NRXN2: variants seen among roughly 807,000 people sequenced by gnomAD.
NRXN2 encodes the protein neurexin 2.
NRXN2 carries 29 observed loss-of-function variants against 128.8 expected under a neutral mutation model. The ratio of observed to expected loss-of-function variants is 0.23; its 90% confidence interval spans 0.17 to 0.31. The LOEUF is 0.31. NRXN2 is among the 10% of genes least tolerant of loss of function. The pLI is 1.00. For missense variants in NRXN2, 1,881 were observed against 2,452.6 expected, an observed-to-expected ratio of 0.77 and a Z score of 4.92; for synonymous variants, 1,098 against 1,075.2, an observed-to-expected ratio of 1.02 and a Z score of -0.41.
chr11:64,682,916 A>T (rs2052509747), intron 6 of NRXN2, among the ~76,000 whole-genome samples: 1 of 152,174 alleles, frequency 6.6e-6, no homozygotes, highest in African/African-American at 2.4e-5. Context: ...CCTAACTGCT[A>T]TGTTCTGAGA....
At position 64,713,540 on chromosome 11, in the gene NRXN2, T is replaced by TGAGCTCGCCG; in HGVS notation, c.150_159dup (p.Ser54ArgfsTer246). ...GTGGCGTTGGTGCGCAGGCTGAAGC[T>TGAGCTCGCCG]GAGCTCGCCGCTGCTCGCCGCGCCC... On this transcript the variant is annotated frameshift_variant, in exon 2 of 23. Transcript: ENST00000265459. LOFTEE classifies it high-confidence loss of function. The TGAGCTCGCCG allele has an allele frequency of 6.8e-7, 1 of 1,466,324 alleles. No homozygotes were observed. Among genetic ancestry groups the TGAGCTCGCCG allele is most frequent in the Non-Finnish European group, 9.0e-7 (1 of 1,111,952 alleles). 90.8% of individuals were successfully genotyped at this position (1,466,324 alleles called of 1,614,324 possible). A position where few individuals can be genotyped will look rare whatever the true frequency, so the allele number is the denominator to read the frequency against.
Position 64,667,306 on chromosome 11 carries a change from C to T in NRXN2, c.1742G>A (p.Arg581His), listed in dbSNP as rs753732547. 5 of 1,614,240 alleles carry T rather than the reference C, an allele frequency of 3.1e-6. No individual in the cohort carries two copies. Among genetic ancestry groups the T allele is most frequent in the East Asian group, 2.2e-5 (1 of 44,882 alleles). The change falls in exon 9 of 23, where the codon CGC (arginine) becomes CAC (histidine). Residue 581 changes from arginine (R) to histidine (H), a missense_variant. By Grantham distance (29) the Arg-to-His change is conservative. Coordinates refer to ENST00000265459, the MANE Select transcript of NRXN2 (RefSeq NM_015080.4). This position sits in a 1 kb window ranked among gnomAD's most constrained non-coding sequence, Gnocchi z 5.6. ...ACACCACTCGCCATCATTGACCTTG[C>T]GGCTGGATGCCCGCAGCTTGATGCC... ...SGGIKLRASS[R>H]KVNDGEWCHV...
rs759667703 is a variant in NRXN2 at position 64,651,400 on chromosome 11, G to A, written c.2773C>T (p.Arg925Cys). ...GTGGCGAGTGCCAGGTAGCTGCTGC[G>A]ACTCTTGAAGGTGACGGGATCGGCC... ...IVADPVTFKSRSSYLALATLQ... is the reference protein window; with the variant it reads ...IVADPVTFKSCSSYLALATLQ... Residue 925 changes from arginine to cysteine, a missense_variant, in exon 14 of 23, where the codon CGC becomes TGC. Transcript: ENST00000265459. The surrounding 1 kb of genome is among the most constrained non-coding windows in gnomAD (Gnocchi z 5.9). 10 of 1,614,188 alleles carry A rather than the reference G, an allele frequency of 6.2e-6. No individual in the cohort carries two copies. Among genetic ancestry groups the A allele is most frequent in the Non-Finnish European group, 6.8e-6 (8 of 1,180,024 alleles).
intron 9 of NRXN2, among the ~76,000 whole-genome samples, chr11:64,666,066 A>G (rs529905409): frequency 1.3e-5 from 2 of 152,164 alleles, no homozygotes; most frequent in South Asian, 4.1e-4. Flanking sequence ...TTTTCACTCC[A>G]TGGTCTCCCA....
At chr11:64,650,757 G>C in intron 14 of NRXN2, 119 bp from the exon 15 acceptor site, 3 of 972,280 alleles carry the variant, frequency 3.1e-6, no homozygotes, top group South Asian at 2.8e-5. Flanking sequence ...GATTGAAAGG[G>C]AGACCCCAGA....
chr11:64,626,606 G>T, intron 19 of NRXN2, 54 bp from the exon 20 acceptor site: 1 of 1,306,544 alleles, frequency 7.7e-7, no homozygotes. Context: ...GTCCAAAGGA[G>T]TTAGAAAAGT....
In NRXN2 at chr11:64,677,057, G is replaced by A; in HGVS notation, c.1153-20C>T. 4.1e-6 allele frequency: 6 copies of A among 1,452,650 alleles called. No individual in the cohort carries two copies. The highest frequency in any genetic ancestry group is 1.8e-5 in the Admixed American group (1 of 54,226). The allele number at this position is 1,452,650 out of a possible 1,614,324, so 90.0% of individuals were successfully genotyped here. ...TGCGTGCTTCACCGGAGATATGGGG[G>A]GATGGGGAGGAGGGGGGTGTCAAAA... On this transcript the variant is annotated intron_variant, in intron 6 of 22. Coordinates refer to ENST00000265459, the MANE Select transcript of NRXN2 (RefSeq NM_015080.4).
intron 9 of NRXN2, among the ~76,000 whole-genome samples, chr11:64,663,855 A>C (rs763011292): frequency 7.9e-5 from 12 of 152,268 alleles, no homozygotes; most frequent in Non-Finnish European, 1.8e-4. Flanking sequence ...AATATTATTC[A>C]GCCCTAAAAA....
chr11:64,623,372 C>T lies in NRXN2; in HGVS notation c.3848-294G>A. On this transcript the variant is annotated intron_variant, in intron 20 of 22. Coordinates refer to ENST00000265459, the MANE Select transcript of NRXN2 (RefSeq NM_015080.4). This position sits in a 1 kb window ranked among gnomAD's most constrained non-coding sequence, Gnocchi z 4.9. Reference sequence around the variant, plus strand: ...TCCTCCCCACCATGTGCAAGCCTTCCCACCTTCCCCATTCCCTCTCCTCTC... The same window carrying T: ...TCCTCCCCACCATGTGCAAGCCTTCTCACCTTCCCCATTCCCTCTCCTCTC... The T allele has an allele frequency of 2.0e-6, 1 of 501,718 alleles. No individual in the cohort carries two copies. The highest frequency in any genetic ancestry group is 3.6e-6 in the Non-Finnish European group (1 of 277,186). 31.1% of individuals were successfully genotyped at this position (501,718 alleles called of 1,614,324 possible).
rs755786562 is a variant in NRXN2 at position 64,660,789 on chromosome 11, T to C, written c.2149A>G (p.Ile717Val). The change falls in exon 10 of 23, where the codon ATC (isoleucine) becomes GTC (valine). Residue 717 changes from isoleucine to valine, a missense_variant. Around this residue, in one of 7 missense-constraint regions of NRXN2, gnomAD observed 997 missense variants for 1,240.8 expected, o/e 0.80. Transcript: ENST00000265459. This position sits in a 1 kb window ranked among gnomAD's most constrained non-coding sequence, Gnocchi z 5.2. Reference sequence around the variant, plus strand: ...ACCCGCCCAAGAAAGCCGGTCCCGATGCAGTCACAGATGAAGCGGTTCCAG... The same window carrying C: ...ACCCGCCCAAGAAAGCCGGTCCCGACGCAGTCACAGATGAAGCGGTTCCAG... Reference protein sequence around the residue: ...EGWNRFICDCIGTGFLGRVCE... With the variant: ...EGWNRFICDCVGTGFLGRVCE... 1.2e-6 allele frequency: 2 copies of C among 1,613,746 alleles called. No homozygotes were observed. Among genetic ancestry groups the C allele is most frequent in the South Asian group, 1.1e-5 (1 of 91,084 alleles).
chr11:64,658,328 G>A (rs2048546204), intron 11 of NRXN2, among the ~76,000 whole-genome samples: 3 of 152,310 alleles, frequency 2.0e-5, no homozygotes, highest in South Asian at 4.1e-4. Context: ...CCACTTATGG[G>A]GTCCTTGGCT....
At chr11:64,697,900 G>T in intron 2 of NRXN2, 108 bp from the exon 3 acceptor site, 1 of 1,272,706 alleles carries the variant, frequency 7.9e-7, no homozygotes, top group Non-Finnish European at 1.1e-6. Context: ...AGGAGTCCAA[G>T]CCCACCCAGG....
At position 64,713,071 on chromosome 11, in the gene NRXN2, C is replaced by A; in HGVS notation, c.629G>T (p.Arg210Leu). Residue 210 changes from arginine (R) to leucine (L), a missense_variant, in exon 2 of 23, where the codon CGC (arginine) becomes CTC (leucine). By Grantham distance (102) the Arg-to-Leu change is moderately radical (BLOSUM62 -2). Around this residue, in one of 7 missense-constraint regions of NRXN2, gnomAD observed 997 missense variants for 1,240.8 expected, o/e 0.80. Coordinates refer to ENST00000265459, the MANE Select transcript of NRXN2 (RefSeq NM_015080.4). ...GAGGCCGCCGTTGGCGCAGGGGTTGCGCGCGGGCGCGCACAGCGGGTCGGC... is the reference window on the plus strand; with the variant it reads ...GAGGCCGCCGTTGGCGCAGGGGTTGAGCGCGGGCGCGCACAGCGGGTCGGC... ...ATADPLCAPA[R>L]NPCANGGLCT... is the part of the protein sequence containing the mutation. The A allele has an allele frequency of 7.7e-7, 1 of 1,295,286 alleles. No homozygotes were observed. The highest frequency in any genetic ancestry group is 9.7e-7 in the Non-Finnish European group (1 of 1,030,798). 80.2% of individuals were successfully genotyped at this position (1,295,286 alleles called of 1,614,324 possible).
chr11:64,713,112 G>A lies in NRXN2; in HGVS notation c.588C>T (p.Gly196=). The change falls in exon 2 of 23, where the codon GGC becomes GGT. Residue 196 remains glycine, a synonymous_variant. Transcript: ENST00000265459. ...ERPPALLGSQ[G]LRGATADPLC... Reference sequence around the variant, plus strand: ...GCGGGTCGGCGGTGGCGCCGCGCAGGCCCTGGCTGCCCAGCAGCGCGGGGG... The same window carrying A: ...GCGGGTCGGCGGTGGCGCCGCGCAGACCCTGGCTGCCCAGCAGCGCGGGGG... 7.1e-7 allele frequency: 1 copy of A among 1,399,870 alleles called. No homozygotes were observed. Among genetic ancestry groups the A allele is most frequent in the Non-Finnish European group, 9.3e-7 (1 of 1,077,080 alleles). The allele number at this position is 1,399,870 out of a possible 1,614,324, so 86.7% of individuals were successfully genotyped here. A position where few individuals can be genotyped will look rare whatever the true frequency, so the allele number is the denominator to read the frequency against.
rs1162072653 is a variant in NRXN2 at position 64,635,192 on chromosome 11, G to A, written c.3585+79C>T. The A allele has an allele frequency of 1.1e-5, 16 of 1,513,442 alleles. No individual in the cohort carries two copies. Among genetic ancestry groups the A allele is most frequent in the African/African-American group, 2.7e-5 (2 of 72,980 alleles). 93.8% of individuals were successfully genotyped at this position (1,513,442 alleles called of 1,614,324 possible). On this transcript the variant is annotated intron_variant, in intron 18 of 22. Coordinates refer to ENST00000265459, the MANE Select transcript of NRXN2 (RefSeq NM_015080.4). The surrounding 1 kb of genome is among the most constrained non-coding windows in gnomAD (Gnocchi z 4.8). Reference sequence around the variant, plus strand: ...CCCATGAGGGAAGACTTGAGGTGCTGATCCCATGGCAATGAGGGGCTGAAC... The same window carrying A: ...CCCATGAGGGAAGACTTGAGGTGCTAATCCCATGGCAATGAGGGGCTGAAC...
At chr11:64,681,914 T>C (rs910376974) in intron 6 of NRXN2, among the ~76,000 whole-genome samples, 2 of 152,122 alleles carry the variant, frequency 1.3e-5, no homozygotes, top group Non-Finnish European at 2.9e-5. Context: ...AGGAATCTAA[T>C]TGCCTGATGG....
In NRXN2 at chr11:64,697,706, G is replaced by A. The variant is rs538795001; in HGVS notation, c.748+69C>T. The A allele has an allele frequency of 3.4e-5, 54 of 1,588,528 alleles. No homozygotes were observed. In the African/African-American group the frequency reaches 4.3e-4, roughly 13 times the overall value. ...GAAAGGGAGTCCTTGGGTAGCCAACGACAGTCCCTCATGTAGGATCCCCAT... is the reference window on the plus strand; with the variant it reads ...GAAAGGGAGTCCTTGGGTAGCCAACAACAGTCCCTCATGTAGGATCCCCAT... On this transcript the variant is annotated intron_variant, in intron 3 of 22. Coordinates refer to ENST00000265459, the MANE Select transcript of NRXN2 (RefSeq NM_015080.4).
intron 2 of NRXN2, among the ~76,000 whole-genome samples, chr11:64,700,413 A>G (rs1381247144): frequency 2.0e-5 from 3 of 152,128 alleles, no homozygotes; most frequent in Admixed American, 6.5e-5. Context: ...CTCCCACTAC[A>G]TGCCCCACAC....
chr11:64,709,252 A>G (rs2056660725), intron 2 of NRXN2, among the ~76,000 whole-genome samples: 1 of 151,816 alleles, frequency 6.6e-6, no homozygotes. Context: ...CATTCACAAC[A>G]GATGATAAAG....
Sources: allele counts gnomAD v4.1 joint callset (sites outside exome capture counted in the v4.1 genomes callset), GRCh38; gene constraint gnomAD v4.1.1; regional missense constraint gnomAD v4.1.1; non-coding constraint Gnocchi (gnomAD v3.1); transcripts MANE v1.5; gene names NCBI Gene and HGNC (gene_info 2026-07-23, HGNC 2026-07-21).